The following OLFM3 variants were observed in gnomAD, a reference collection of about 807,000 sequenced individuals.
OLFM3 encodes noelin-3.
OLFM3 carries 20 observed loss-of-function variants against 48.6 expected under a neutral mutation model. The observed-to-expected ratio is 0.41, with a 90% CI of 0.29 to 0.60. The LOEUF (loss-of-function observed/expected upper bound fraction) is 0.60. Among genes scored for constraint, OLFM3 ranks in the 20% least tolerant of loss-of-function variants. The pLI is 0.28. For missense variants in OLFM3, 437 were observed against 544.3 expected, an observed-to-expected ratio of 0.80 and a Z score of 1.96; for synonymous variants, 222 against 198.1, an observed-to-expected ratio of 1.12 and a Z score of -1.01.
At chr1:101,826,393 G>A (rs914891192) in intron 3 of OLFM3, among the ~76,000 whole-genome samples, 5 of 152,274 alleles carry the variant, frequency 3.3e-5, no homozygotes, top group African/African-American at 1.2e-4. Flanking sequence ...TTTGTGGAAA[G>A]AGCAGTCCCT....
chr1:101,884,211 T>A (rs1293940452), intron 1 of OLFM3, among the ~76,000 whole-genome samples: 1 of 151,994 alleles, frequency 6.6e-6, no homozygotes, highest in Non-Finnish European at 1.5e-5. Context: ...ATGTTTAATA[T>A]GTTTTATAAA....
At chr1:101,956,233 C>T (rs775681756) in intron 1 of OLFM3, among the ~76,000 whole-genome samples, 5 of 151,582 alleles carry the variant, frequency 3.3e-5, no homozygotes, top group Non-Finnish European at 5.9e-5. Context: ...TGAAAATCCT[C>T]TTCTAGATAT....
chr1:101,832,414 TG>T (rs1246820350), intron 2 of OLFM3, among the ~76,000 whole-genome samples: 1 of 152,240 alleles, frequency 6.6e-6, no homozygotes, highest in Non-Finnish European at 1.5e-5. Context: ...AATACTGTCT[TG>T]GCCTGCCTCA....
At chr1:101,860,020 T>C (rs1656588826) in intron 1 of OLFM3, 1 of 152,060 alleles carries the variant, frequency 6.6e-6, no homozygotes, top group Admixed American at 6.5e-5. Flanking sequence ...GAAGGAGCCA[T>C]GGAAGCCAGC....
intron 1 of OLFM3, among the ~76,000 whole-genome samples, chr1:101,848,508 A>ATTTT (rs34309802): frequency 3.6e-4 from 53 of 148,848 alleles, no homozygotes; most frequent in African/African-American, 1.2e-3. Flanking sequence ...AATCCAGGCC[A>ATTTT]TTTTTTTTTT....
At chr1:101,914,571 T>C (rs1464030569) in intron 1 of OLFM3, among the ~76,000 whole-genome samples, 1 of 152,216 alleles carries the variant, frequency 6.6e-6, no homozygotes, top group Non-Finnish European at 1.5e-5. Context: ...CTCATTGCTT[T>C]GGAGTGATAT....
chr1:101,839,213 G>A (rs563533363), intron 1 of OLFM3, among the ~76,000 whole-genome samples: 90 of 152,250 alleles, frequency 5.9e-4, no homozygotes, highest in African/African-American at 2.1e-3. Flanking sequence ...GGTCAGACTC[G>A]TTAACATTCT....
chr1:101,978,241 A>G (rs530173574), intron 1 of OLFM3, among the ~76,000 whole-genome samples: 5 of 152,244 alleles, frequency 3.3e-5, no homozygotes, highest in Non-Finnish European at 5.9e-5. Context: ...CAAGTTGTTT[A>G]TTGCAATTTC....
At chr1:101,847,084 C>A (rs1236663242) in intron 1 of OLFM3, 1 of 1,421,140 alleles carries the variant, frequency 7.0e-7, no homozygotes, top group African/African-American at 1.4e-5. Context: ...AAGAGATCAA[C>A]TTCCCCAGCT....
intron 1 of OLFM3, among the ~76,000 whole-genome samples, chr1:101,895,593 C>T (rs1658168714): frequency 6.6e-6 from 1 of 152,076 alleles, no homozygotes. Flanking sequence ...TTCTATTTAA[C>T]CCATTTTTGG....
intron 1 of OLFM3, among the ~76,000 whole-genome samples, chr1:101,939,159 AAGAG>A (rs1659712509): frequency 6.6e-6 from 1 of 152,216 alleles, no homozygotes. Flanking sequence ...CAGACAGGTG[AAGAG>A]AAAGATTGTA....
intron 1 of OLFM3, among the ~76,000 whole-genome samples, chr1:101,872,251 G>A (rs532934763): frequency 6.6e-5 from 10 of 152,174 alleles, no homozygotes; most frequent in South Asian, 4.1e-4. Context: ...TATCAAGGTA[G>A]TGGCATGAGA....
chr1:101,889,999 A>C (rs890462034), intron 1 of OLFM3, among the ~76,000 whole-genome samples: 2 of 152,062 alleles, frequency 1.3e-5, no homozygotes, highest in African/African-American at 2.4e-5. Flanking sequence ...ATACCCAAAA[A>C]ATTCAGCCAC....
chr1:101,938,698 T>C (rs551481079), intron 1 of OLFM3, among the ~76,000 whole-genome samples: 1 of 152,296 alleles, frequency 6.6e-6, no homozygotes, highest in East Asian at 1.9e-4. Flanking sequence ...GTTTTGTGTA[T>C]TGCTTCCTGG....
chr1:101,919,974 G>A (rs898563404), intron 1 of OLFM3, among the ~76,000 whole-genome samples: 1 of 152,138 alleles, frequency 6.6e-6, no homozygotes, highest in African/African-American at 2.4e-5. Flanking sequence ...CAGGCCTAAA[G>A]CATTGTAATT....
chr1:101,886,895 G>A (rs1657782866), intron 1 of OLFM3, among the ~76,000 whole-genome samples: 1 of 151,970 alleles, frequency 6.6e-6, no homozygotes, highest in African/African-American at 2.4e-5. Context: ...CCTATGACAG[G>A]CTCTGGGTAT....
intron 1 of OLFM3, among the ~76,000 whole-genome samples, chr1:101,922,690 A>C (rs1365244759): frequency 6.6e-6 from 1 of 152,128 alleles, no homozygotes; most frequent in Non-Finnish European, 1.5e-5. Flanking sequence ...ATTATAATAA[A>C]AACTCTCCCA....
intron 2 of OLFM3, among the ~76,000 whole-genome samples, chr1:101,832,401 A>G (rs2039944): frequency 0.45 from 68,907 of 152,092 alleles, 16,479 homozygotes; most frequent in Admixed American, 0.6. Flanking sequence ...GAAAAAGGCA[A>G]TGAATACTGT....
Position 101,976,929 on chromosome 1 carries a change from A to C in OLFM3, c.69+19819T>G, listed in dbSNP as rs192089470. On this transcript the variant is annotated intron_variant, in intron 1 of 5. Coordinates refer to ENST00000370103, the MANE Select transcript of OLFM3 (RefSeq NM_058170.4). ...AGGTATATTTTACTAGAAGTGATAC[A>C]AAGTGGGAAGGTGAGTTATGGGAGT... 6.3e-3 allele frequency among the ~76,000 whole-genome samples: 963 copies of C among 152,262 alleles called. 8 individuals carry two copies. Among genetic ancestry groups the C allele is most frequent in the African/African-American group, 0.022 (920 of 41,578 alleles).
Sources: allele counts gnomAD v4.1 joint callset (sites outside exome capture counted in the v4.1 genomes callset), GRCh38; gene constraint gnomAD v4.1.1; transcripts MANE v1.5; gene names NCBI Gene and HGNC (gene_info 2026-07-23, HGNC 2026-07-21).